PPP1R12C: variants seen among roughly 807,000 people sequenced by gnomAD.
The protein encoded by PPP1R12C is leukocyte receptor cluster (LRC) encoded novel gene 3.
PPP1R12C carries 48 observed loss-of-function variants against 95.6 expected under a neutral mutation model. The observed-to-expected ratio is 0.50, with a 90% CI of 0.40 to 0.64. The LOEUF is 0.64. Ranked by LOEUF, PPP1R12C falls within the 30% of genes least tolerant of loss-of-function variation. PPP1R12C has a pLI of 0.00. For synonymous variants in PPP1R12C, 480 were observed against 460.8 expected, an observed-to-expected ratio of 1.04 and a Z score of -0.53; for missense variants, 1,057 against 1,083.3, an observed-to-expected ratio of 0.98 and a Z score of 0.34.
At position 55,094,386 on chromosome 19, in the gene PPP1R12C, C is replaced by A; in HGVS notation, c.1642G>T (p.Ala548Ser). The A allele has an allele frequency of 6.2e-7, 1 of 1,613,926 alleles. No individual in the cohort carries two copies. Among genetic ancestry groups the A allele is most frequent in the Non-Finnish European group, 8.5e-7 (1 of 1,180,018 alleles). Residue 548 changes from alanine to serine, a missense_variant, in exon 13 of 22, where the codon GCT becomes TCT. Ala to Ser is a moderately conservative substitution (Grantham distance 99, BLOSUM62 1). Coordinates refer to ENST00000263433, the MANE Select transcript of PPP1R12C (RefSeq NM_017607.4). ...GACTGGCGCATGAGACGGGAGCGAGCTTTTCTCTGGGATTCCGACTCCTCA... is the reference window on the plus strand; with the variant it reads ...GACTGGCGCATGAGACGGGAGCGAGATTTTCTCTGGGATTCCGACTCCTCA... The part of the protein sequence containing the change: ...RDEESESQRK[A>S]RSRLMRQSRR...
At chr19:55,104,496 A>G (rs1040381929) in intron 3 of PPP1R12C, among the ~76,000 whole-genome samples, 1 of 151,666 alleles carries the variant, frequency 6.6e-6, no homozygotes, top group Admixed American at 6.6e-5. Context: ...TGAGGTCAAG[A>G]GTTCGAGACC....
chr19:55,095,647 T>C, intron 9 of PPP1R12C, 44 bp from the exon 10 acceptor site: 1 of 1,513,394 alleles, frequency 6.6e-7, no homozygotes, highest in Non-Finnish European at 8.8e-7. Context: ...AGGATCCCTC[T>C]TCTCAGACCT....
chr19:55,110,820 G>A (rs1190711567), intron 3 of PPP1R12C, among the ~76,000 whole-genome samples: 4 of 147,606 alleles, frequency 2.7e-5, no homozygotes, highest in Non-Finnish European at 3.0e-5. Flanking sequence ...GCAGTGAGCC[G>A]AAATCATGCC....
At position 55,094,456 on chromosome 19, in the gene PPP1R12C, TCAGA is replaced by T. The variant is rs763268484; in HGVS notation, c.1593-25_1593-22del. The T allele has an allele frequency of 8.1e-6, 13 of 1,612,974 alleles. No individual in the cohort carries two copies. The South Asian group carries it at 8.8e-5, about 11-fold the overall frequency. On this transcript the variant is annotated intron_variant, in intron 12 of 21. Transcript: ENST00000263433. ...AGGACCTGAGGGAAGGGTCCCAACCTCAGACAGGGAACCTGGGGACCCTGTCCCA... is the reference window on the plus strand; with the variant it reads ...AGGACCTGAGGGAAGGGTCCCAACCTCAGGGAACCTGGGGACCCTGTCCCA...
Position 55,117,209 on chromosome 19 carries a change from C to CG in PPP1R12C, c.321+13dup, listed in dbSNP as rs1568824167. The CG allele has an allele frequency of 2.5e-6, 3 of 1,221,538 alleles. No homozygotes were observed. Among genetic ancestry groups the CG allele is most frequent in the Non-Finnish European group, 2.0e-6 (2 of 981,164 alleles). The allele number at this position is 1,221,538 out of a possible 1,614,324, so 75.7% of individuals were successfully genotyped here. A position where few individuals can be genotyped will look rare whatever the true frequency, so the allele number is the denominator to read the frequency against. ...GGACCTGGCCCCGGGAGACGCCGGG[C>CG]GGGGGGCGCTGACCTGGTGCAGGGC... On this transcript the variant is annotated intron_variant, in intron 1 of 21. Transcript: ENST00000263433.
Position 55,112,768 on chromosome 19 carries a change from C to T in PPP1R12C, c.349G>A (p.Val117Met), listed in dbSNP as rs563546776. 1.0e-4 allele frequency: 169 copies of T among 1,613,422 alleles called. 2 individuals carry two copies. The South Asian group carries it at 1.7e-3, about 17-fold the overall frequency. ...GCGCCCTGCTCCACCAAGAAGCGCA[C>T]CACCTCCAGGTTCTCATCAATGCAG... is the stretch of plus-strand genomic sequence containing the variant. ...QACIDENLEV[V>M]RFLVEQGATV... The change falls in exon 2 of 22, where the codon GTG (valine) becomes ATG (methionine). Residue 117 changes from valine to methionine, a missense_variant. Val to Met is a conservative substitution (Grantham distance 21). Around this residue, in one of 5 missense-constraint regions of PPP1R12C, gnomAD observed 282 missense variants for 380.4 expected, o/e 0.74. Transcript: ENST00000263433.
At chr19:55,097,433 C>A (rs1378473581) in intron 6 of PPP1R12C, among the ~76,000 whole-genome samples, 1 of 138,138 alleles carries the variant, frequency 7.2e-6, no homozygotes, top group African/African-American at 2.8e-5. Context: ...AGTTCACCAC[C>A]GTCTTCGCCC....
At chr19:55,096,442 G>C in intron 6 of PPP1R12C, 107 bp from the exon 7 acceptor site, 1 of 1,300,780 alleles carries the variant, frequency 7.7e-7, no homozygotes, top group South Asian at 1.2e-5. Flanking sequence ...CGGGCACCGA[G>C]GGCTCGTGGG....
intron 3 of PPP1R12C, among the ~76,000 whole-genome samples, chr19:55,110,336 T>C (rs2085081850): frequency 1.3e-5 from 2 of 148,400 alleles, no homozygotes; most frequent in Non-Finnish European, 1.5e-5. Context: ...TGGGTGAGAG[T>C]GTAGCATCAA....
At chr19:55,113,520 G>A (rs2085120815) in intron 1 of PPP1R12C, 2 of 1,393,532 alleles carry the variant, frequency 1.4e-6, no homozygotes, top group Non-Finnish European at 1.9e-6. Context: ...AACTTGGGGG[G>A]ACAAAAGCCG....
At position 55,091,618 on chromosome 19, in the gene PPP1R12C, G is replaced by A. The variant is rs763319371; in HGVS notation, c.2262+32C>T. 1.4e-5 allele frequency: 13 copies of A among 961,500 alleles called. No homozygotes were observed. The Admixed American group carries it at 1.6e-4, about 12-fold the overall frequency. 59.6% of individuals were successfully genotyped at this position (961,500 alleles called of 1,614,324 possible). A position where few individuals can be genotyped will look rare whatever the true frequency, so the allele number is the denominator to read the frequency against. ...GCGGGTTGCACCCCCACCCACCCTCGGCCCTCTGCCCACAGCCCCCACAGC... is the reference window on the plus strand; with the variant it reads ...GCGGGTTGCACCCCCACCCACCCTCAGCCCTCTGCCCACAGCCCCCACAGC... On this transcript the variant is annotated intron_variant, in intron 21 of 21. Transcript: ENST00000263433.
At chr19:55,113,710 C>T (rs1196564658) in intron 1 of PPP1R12C, 3 of 783,016 alleles carry the variant, frequency 3.8e-6, no homozygotes, top group African/African-American at 1.8e-5. Flanking sequence ...GAGGGAGCTA[C>T]GAGGGCCAAG....
intron 3 of PPP1R12C, among the ~76,000 whole-genome samples, chr19:55,110,796 A>G (rs1044809310): frequency 6.6e-6 from 1 of 151,158 alleles, no homozygotes; most frequent in East Asian, 2.0e-4. Context: ...GCTTGAACCC[A>G]GGAGGTGGAG....
At chr19:55,099,370 C>T (rs558121745) in intron 4 of PPP1R12C, among the ~76,000 whole-genome samples, 142 of 152,316 alleles carry the variant, frequency 9.3e-4, no homozygotes, top group Non-Finnish European at 1.7e-3. Flanking sequence ...GTCACCCTGG[C>T]TGTGGGATTC....
intron 13 of PPP1R12C, 36 bp from the exon 14 acceptor site, chr19:55,093,269 G>A (rs1157923581): frequency 6.3e-7 from 1 of 1,590,360 alleles, no homozygotes; most frequent in South Asian, 1.1e-5. Flanking sequence ...GGACGCTGGG[G>A]TCAGGGCCCA....
At chr19:55,106,519 G>C (rs902186237) in intron 3 of PPP1R12C, among the ~76,000 whole-genome samples, 1 of 152,210 alleles carries the variant, frequency 6.6e-6, no homozygotes, top group African/African-American at 2.4e-5. Context: ...CTGCCTCCAA[G>C]GGTAACTCCC....
Position 55,113,202 on chromosome 19 carries a change from C to T in PPP1R12C, c.322-407G>A, listed in dbSNP as rs1240835114. On this transcript the variant is annotated intron_variant, in intron 1 of 21. Transcript: ENST00000263433. ...CCTCCTTCAGAGCCAGGAGTCCTGGCCCCCAGCCCCTCCTGCCTTAAACCC... is the reference window on the plus strand; with the variant it reads ...CCTCCTTCAGAGCCAGGAGTCCTGGTCCCCAGCCCCTCCTGCCTTAAACCC... 8.0e-6 allele frequency: 4 copies of T among 501,200 alleles called. No homozygotes were observed. In the East Asian group the frequency reaches 9.3e-5, roughly 12 times the overall value. The allele number at this position is 501,200 out of a possible 1,614,324, so 31.0% of individuals were successfully genotyped here.
chr19:55,091,932 A>C, intron 19 of PPP1R12C, 23 bp from the exon 20 acceptor site: 1 of 1,612,602 alleles, frequency 6.2e-7, no homozygotes, highest in Non-Finnish European at 8.5e-7. Context: ...CAGAAAGCAC[A>C]GGGGTCAGCA....
intron 3 of PPP1R12C, among the ~76,000 whole-genome samples, chr19:55,108,244 C>G (rs1022822536): frequency 6.6e-6 from 1 of 150,996 alleles, no homozygotes; most frequent in Admixed American, 6.6e-5. Flanking sequence ...CTAAAATTTA[C>G]CATTTTAACC....
Sources: allele counts gnomAD v4.1 joint callset (sites outside exome capture counted in the v4.1 genomes callset), GRCh38; gene constraint gnomAD v4.1.1; regional missense constraint gnomAD v4.1.1; transcripts MANE v1.5; gene names NCBI Gene and HGNC (gene_info 2026-07-23, HGNC 2026-07-21).